TPRG1: variants seen among roughly 807,000 people sequenced by gnomAD.
TPRG1 encodes the protein tumor protein p63-regulated gene 1 protein.
Under a neutral mutation model 29.3 loss-of-function variants are expected in TPRG1, and 29 were observed. The observed-to-expected ratio is 0.99, with a 90% CI of 0.74 to 1.35. The LOEUF (loss-of-function observed/expected upper bound fraction) is 1.35. Ranked by LOEUF, TPRG1 falls within the 40% of genes most tolerant of loss-of-function variation. The pLI is 0.00. For missense variants in TPRG1, 327 were observed against 335.0 expected (o/e 0.98, Z 0.19); for synonymous variants, 130 against 116.8 (o/e 1.11, Z -0.73).
intron 4 of TPRG1, among the ~76,000 whole-genome samples, chr3:189,072,385 T>C (rs769578153): frequency 7.2e-5 from 11 of 152,196 alleles, no homozygotes; most frequent in Non-Finnish European, 1.5e-4. Flanking sequence ...CTGTTCTTTG[T>C]TTTTTATATT....
chr3:189,105,475 C>A (rs1719709630), intron 1 of TPRG1, among the ~76,000 whole-genome samples: 1 of 152,082 alleles, frequency 6.6e-6, no homozygotes, highest in Non-Finnish European at 1.5e-5. Context: ...TGCCCCCCTG[C>A]TAACTTACCA....
intron 2 of TPRG1, among the ~76,000 whole-genome samples, chr3:189,129,540 T>C (rs1722872362): frequency 6.6e-6 from 1 of 152,216 alleles, no homozygotes; most frequent in Admixed American, 6.5e-5. Flanking sequence ...TATAAAAATA[T>C]GCTGTTTATA....
At chr3:189,204,949 A>ACC (rs776325276) in intron 1 of TPRG1, among the ~76,000 whole-genome samples, 33 of 89,138 alleles carry the variant, frequency 3.7e-4, no homozygotes, top group Non-Finnish European at 7.5e-4. Flanking sequence ...TCTCTCTCTC[A>ACC]CACACACACA....
chr3:189,219,793 G>C (rs1239275971), intron 3 of TPRG1: 7 of 1,080,546 alleles, frequency 6.5e-6, no homozygotes, highest in South Asian at 5.0e-5. Flanking sequence ...TCCTCATTGA[G>C]AGTAGTTGCC....
At chr3:189,245,176 C>T (rs1175925755) in intron 4 of TPRG1, among the ~76,000 whole-genome samples, 1 of 152,160 alleles carries the variant, frequency 6.6e-6, no homozygotes, top group Non-Finnish European at 1.5e-5. Flanking sequence ...CCTGCCTTGG[C>T]CTCTCAAAGT....
intron 1 of TPRG1, among the ~76,000 whole-genome samples, chr3:189,177,271 A>G (rs1422256840): frequency 6.6e-6 from 1 of 152,066 alleles, no homozygotes; most frequent in Non-Finnish European, 1.5e-5. Flanking sequence ...ATAAGTTTTG[A>G]AGGAGTATTA....
chr3:189,316,822 T>C (rs1242999069), intron 5 of TPRG1, among the ~76,000 whole-genome samples: 1 of 152,256 alleles, frequency 6.6e-6, no homozygotes, highest in East Asian at 1.9e-4. Flanking sequence ...ATGTGGCTGG[T>C]GGCATTCATA....
intron 4 of TPRG1, among the ~76,000 whole-genome samples, chr3:189,280,918 C>G (rs1313726658): frequency 1.3e-5 from 2 of 152,172 alleles, no homozygotes; most frequent in Non-Finnish European, 2.9e-5. Context: ...AACTACGTAT[C>G]TATTCTCCTT....
At chr3:189,093,741 G>A (rs1271232591) in intron 4 of TPRG1, among the ~76,000 whole-genome samples, 5 of 152,124 alleles carry the variant, frequency 3.3e-5, no homozygotes, top group African/African-American at 7.2e-5. Context: ...CGGGTTCTGG[G>A]AAATTTGAAG....
intron 4 of TPRG1, among the ~76,000 whole-genome samples, chr3:189,244,883 T>C (rs1741148572): frequency 6.6e-6 from 1 of 152,148 alleles, no homozygotes; most frequent in South Asian, 2.1e-4. Flanking sequence ...ACTTTTACTA[T>C]TGTTTTGCTA....
chr3:189,219,595 A>C (rs1466251245), intron 3 of TPRG1: 11 of 1,288,344 alleles, frequency 8.5e-6, no homozygotes, highest in Non-Finnish European at 1.1e-5. Flanking sequence ...AGCACCAAGG[A>C]GAACATCTTG....
upstream of TPRG1, among the ~76,000 whole-genome samples, chr3:189,099,663 G>A (rs1395650463): frequency 6.6e-6 from 1 of 152,018 alleles, no homozygotes; most frequent in Admixed American, 6.6e-5. Context: ...TGTGGGGCCT[G>A]ACCTACAGCC....
At chr3:189,165,952 C>T (rs1226786510) in intron 5 of TPRG1, among the ~76,000 whole-genome samples, 1 of 152,156 alleles carries the variant, frequency 6.6e-6, no homozygotes, top group African/African-American at 2.4e-5. Flanking sequence ...CCCTCCCTCT[C>T]CCCAGGTGAT....
chr3:189,242,162 G>A (rs1260239658), intron 4 of TPRG1, among the ~76,000 whole-genome samples: 1 of 151,948 alleles, frequency 6.6e-6, no homozygotes, highest in Non-Finnish European at 1.5e-5. Flanking sequence ...CCAGATGGCA[G>A]GCTAGATTTC....
intron 1 of TPRG1, among the ~76,000 whole-genome samples, chr3:189,114,547 T>C (rs1720945471): frequency 6.6e-6 from 1 of 152,160 alleles, no homozygotes; most frequent in African/African-American, 2.4e-5. Flanking sequence ...TCTCCCAAAG[T>C]GCTGGGATTA....
rs554243558 is a variant in TPRG1, at chr3:189,318,121, A to T, written c.634-2505A>T. Among the ~76,000 whole-genome samples, 8 of 152,278 alleles carry T rather than the reference A, an allele frequency of 5.3e-5. No homozygotes were observed. In the South Asian group the frequency reaches 1.5e-3, roughly 28 times the overall value. On this transcript the variant is annotated intron_variant, in intron 5 of 5. Transcript: ENST00000345063. ...GGACGGGCGTGCCCTCTATTACAGG[A>T]GACTTCCTTCTATACACAGGGAGGT...
intron 1 of TPRG1, among the ~76,000 whole-genome samples, chr3:188,998,597 G>C (rs530413098): frequency 6.6e-6 from 1 of 152,288 alleles, no homozygotes; most frequent in South Asian, 2.1e-4. Flanking sequence ...TGGATAAATG[G>C]ATAAAAAGTG....
chr3:188,997,396 T>C (rs1021456339), intron 1 of TPRG1, among the ~76,000 whole-genome samples: 3 of 152,168 alleles, frequency 2.0e-5, no homozygotes, highest in African/African-American at 7.2e-5. Flanking sequence ...AATACTCTCT[T>C]ACTTTCTGTA....
In TPRG1 at chr3:189,313,344, A is replaced by T. The variant is rs1452365327; in HGVS notation, c.633+2805A>T. Among the ~76,000 whole-genome samples the T allele has an allele frequency of 2.0e-5, 3 of 152,152 alleles. No homozygotes were observed. The East Asian group carries it at 5.8e-4, about 29-fold the overall frequency. ...AGAAAGATAATTTGGGGGATCTAGA[A>T]TTTTTTTATGTTAATATTTTGGCAA... On this transcript the variant is annotated intron_variant, in intron 5 of 5. Coordinates refer to ENST00000345063, the MANE Select transcript of TPRG1 (RefSeq NM_198485.4).
Sources: gnomAD v4.1 joint callset for allele counts (sites outside exome capture counted in the v4.1 genomes callset) on GRCh38, gnomAD v4.1.1 for gene constraint, MANE v1.5 for transcripts, NCBI Gene and HGNC (gene_info 2026-07-23, HGNC 2026-07-21) for gene names.